LAMB1: variants seen among roughly 807,000 people sequenced by gnomAD.
The protein encoded by LAMB1 is laminin subunit beta-1.
Under a neutral mutation model 222.3 loss-of-function variants are expected in LAMB1, and 121 were observed. That is an observed-to-expected ratio of 0.54 (90% CI 0.47 to 0.63). LAMB1 has a LOEUF of 0.63. LAMB1 is among the 30% of genes least tolerant of loss of function. The pLI is 0.00. For missense variants in LAMB1, 2,172 were observed against 2,240.8 expected (o/e 0.97, Z 0.62); for synonymous variants, 794 against 807.2 (o/e 0.98, Z 0.28).
In LAMB1 at chr7:107,978,066, T is replaced by A. The variant is rs1554410490; in HGVS notation, c.981A>T (p.Arg327=). ...ACTTACTTTTACAGGCGTTGCTGTT[T>A]CGGCCTTCAGCAGGTCTCCAAGGTA... ...HDLPWRPAEG[R]NSNACKKCNC... The change falls in exon 9 of 34, where the codon CGA becomes CGT. Residue 327 remains arginine (R), a synonymous_variant. Transcript: ENST00000222399. 6.2e-7 allele frequency: 1 copy of A among 1,614,186 alleles called. No individual in the cohort carries two copies. The highest frequency in any genetic ancestry group is 8.5e-7 in the Non-Finnish European group (1 of 1,180,042).
At chr7:107,997,001 A>G (rs548562457) in intron 4 of LAMB1, among the ~76,000 whole-genome samples, 1 of 152,372 alleles carries the variant, frequency 6.6e-6, no homozygotes, top group East Asian at 1.9e-4. Context: ...CCCCGTAAGA[A>G]TGAACATGGC....
intron 5 of LAMB1, among the ~76,000 whole-genome samples, chr7:107,991,681 C>T (rs531657356): frequency 1.6e-3 from 237 of 151,848 alleles, no homozygotes; most frequent in Non-Finnish European, 9.7e-4. Flanking sequence ...GACGCCGAGG[C>T]GGGCAGATCA....
At chr7:107,996,726 A>T (rs1186837540) in intron 4 of LAMB1, among the ~76,000 whole-genome samples, 1 of 152,168 alleles carries the variant, frequency 6.6e-6, no homozygotes, top group East Asian at 1.9e-4. Context: ...AAGTTGATTA[A>T]CTCGACATAA....
intron 20 of LAMB1, among the ~76,000 whole-genome samples, chr7:107,958,366 T>G (rs1370811376): frequency 6.6e-6 from 1 of 152,232 alleles, no homozygotes; most frequent in Non-Finnish European, 1.5e-5. Flanking sequence ...GCCACGTGTT[T>G]GCCTCCATGA....
In LAMB1 at chr7:107,935,651, A is replaced by G; in HGVS notation, c.3952T>C (p.Leu1318=). Residue 1318 remains leucine (L), a synonymous_variant, in exon 27 of 34, where the codon TTG becomes CTG. Transcript: ENST00000222399. Reference sequence around the variant, plus strand: ...TGGAAATACTTGGTAATGCTATCCAAGGCACCTAGGGTAGGAAATGAAATT... The same window carrying G: ...TGGAAATACTTGGTAATGCTATCCAGGGCACCTAGGGTAGGAAATGAAATT... ...FIKNSDIRGA[L]DSITKYFQMS... 6.2e-7 allele frequency: 1 copy of G among 1,613,826 alleles called. No individual in the cohort carries two copies. The highest frequency in any genetic ancestry group is 8.5e-7 in the Non-Finnish European group (1 of 1,179,878).
In LAMB1 at chr7:107,986,309, A is replaced by G. The variant is rs370161657; in HGVS notation, c.478T>C (p.Trp160Arg). 1 of 1,611,288 alleles carries G rather than the reference A, an allele frequency of 6.2e-7. No homozygotes were observed. Among genetic ancestry groups the G allele is most frequent in the Non-Finnish European group, 8.5e-7 (1 of 1,177,720 alleles). Reference sequence around the variant, plus strand: ...TAGGCGAAGTATCTATACACACCCCAGGTTTTCCCAAAGTCGGACGATCGT... The same window carrying G: ...TAGGCGAAGTATCTATACACACCCCGGGTTTTCCCAAAGTCGGACGATCGT... The part of the protein sequence containing the change: ...IERSSDFGKT[W>R]GVYRYFAYDC... Residue 160 changes from tryptophan (W) to arginine (R), a missense_variant, in exon 6 of 34, where the codon TGG becomes CGG. Trp to Arg is a moderately radical substitution (Grantham distance 101). Coordinates refer to ENST00000222399, the MANE Select transcript of LAMB1 (RefSeq NM_002291.3).
In LAMB1 at chr7:107,933,721, AC is replaced by A. The variant is rs1014173018; in HGVS notation, c.4189-1345del. ...ACAAGGAAATGGCAGTAAAGAACTT[AC>A]AGAAAGAATTCTCACAGGATCATTA... On this transcript the variant is annotated intron_variant, in intron 27 of 33. Transcript: ENST00000222399. 3.0e-4 allele frequency among the ~76,000 whole-genome samples: 45 copies of A among 152,226 alleles called. 1 individual carries two copies. Among genetic ancestry groups the A allele is most frequent in the African/African-American group, 9.4e-4 (39 of 41,450 alleles).
At chr7:107,951,054 G>T in intron 24 of LAMB1, 172 bp downstream of exon 24, 1 of 587,784 alleles carries the variant, frequency 1.7e-6, no homozygotes, top group Non-Finnish European at 3.1e-6. Flanking sequence ...GGCAGGGCTA[G>T]ATTTGTTAGA....
chr7:107,939,121 G>GC (rs1562978468), intron 25 of LAMB1, among the ~76,000 whole-genome samples: 1 of 152,180 alleles, frequency 6.6e-6, no homozygotes, highest in East Asian at 1.9e-4. Context: ...AAAAACCATA[G>GC]CATCTAGGGA....
intron 31 of LAMB1, among the ~76,000 whole-genome samples, chr7:107,926,884 C>T (rs879869998): frequency 1.3e-5 from 2 of 151,918 alleles, no homozygotes; most frequent in African/African-American, 2.4e-5. Context: ...GGTCTGGGAA[C>T]GTTACAGCTG....
intron 24 of LAMB1, among the ~76,000 whole-genome samples, chr7:107,950,229 CAA>C (rs1018834829): frequency 7.9e-6 from 1 of 125,828 alleles, no homozygotes. Flanking sequence ...GACTCCGTCT[CAA>C]AAAAAAAAAA....
intron 20 of LAMB1, among the ~76,000 whole-genome samples, chr7:107,958,937 C>A (rs997113595): frequency 6.6e-6 from 1 of 152,158 alleles, no homozygotes; most frequent in Non-Finnish European, 1.5e-5. Context: ...TCTTATCCTC[C>A]GCCAGAATCT....
intron 4 of LAMB1, among the ~76,000 whole-genome samples, chr7:107,997,384 T>C (rs1467974583): frequency 1.3e-5 from 2 of 152,150 alleles, no homozygotes; most frequent in African/African-American, 2.4e-5. Context: ...GATTGCGCCA[T>C]TGCATTCCAG....
In LAMB1 at chr7:107,991,243, A is replaced by G. The variant is rs553488395; in HGVS notation, c.423+3644T>C. On this transcript the variant is annotated intron_variant, in intron 5 of 33. Coordinates refer to ENST00000222399, the MANE Select transcript of LAMB1 (RefSeq NM_002291.3). ...GCAACAGAATTATTGCAATCACCTC[A>G]TAGTGGCAAATTTTGGCAAGAAATG... Among the ~76,000 whole-genome samples, 6 of 152,288 alleles carry G rather than the reference A, an allele frequency of 3.9e-5. No homozygotes were observed. In the South Asian group the frequency reaches 1.2e-3, roughly 32 times the overall value.
chr7:107,965,451 G>T (rs1047001785), intron 13 of LAMB1, among the ~76,000 whole-genome samples: 4 of 151,988 alleles, frequency 2.6e-5, no homozygotes, highest in Admixed American at 6.5e-5. Context: ...TGGTGGCGCA[G>T]GCCTGTAATC....
At chr7:107,985,632 AAAAAC>A (rs372998217) in intron 7 of LAMB1, among the ~76,000 whole-genome samples, 2,159 of 150,630 alleles carry the variant, frequency 0.014, 47 homozygotes, top group African/African-American at 0.05. Flanking sequence ...TCCATCTCAA[AAAAAC>A]AAAACAAAAC....
intron 12 of LAMB1, among the ~76,000 whole-genome samples, chr7:107,973,404 T>C (rs1272824343): frequency 1.3e-5 from 2 of 152,206 alleles, no homozygotes; most frequent in Admixed American, 6.5e-5. Context: ...AAGAGAATTA[T>C]GGCAAGGATT....
rs763932809 is a variant in LAMB1, at chr7:108,002,368, G to C, written c.37+481C>G. On this transcript the variant is annotated intron_variant, in intron 2 of 33. Coordinates refer to ENST00000222399, the MANE Select transcript of LAMB1 (RefSeq NM_002291.3). The stretch of plus-strand genomic sequence containing the variant: ...CAAGGCTTCTCCATTCCAGGGAAGC[G>C]CCAGGTCCTGCTGTTTCTGGTGCCA... 5.3e-6 allele frequency: 7 copies of C among 1,316,268 alleles called. No individual in the cohort carries two copies. In the South Asian group the frequency reaches 8.6e-5, roughly 16 times the overall value. 81.5% of individuals were successfully genotyped at this position (1,316,268 alleles called of 1,614,324 possible).
chr7:107,992,610 G>A (rs1292373512), intron 5 of LAMB1, among the ~76,000 whole-genome samples: 2 of 152,168 alleles, frequency 1.3e-5, no homozygotes, highest in Non-Finnish European at 2.9e-5. Context: ...GAACAGAAGG[G>A]AACAGGCCAG....
Sources: gnomAD v4.1 joint callset for allele counts (sites outside exome capture counted in the v4.1 genomes callset) on GRCh38, gnomAD v4.1.1 for gene constraint, MANE v1.5 for transcripts, NCBI Gene and HGNC (gene_info 2026-07-23, HGNC 2026-07-21) for gene names.